PLEKHH2: variants seen among roughly 807,000 people sequenced by gnomAD.
PLEKHH2 encodes the protein pleckstrin homology, MyTH4 and FERM domain containing H2.
A neutral mutation model predicts 187.9 loss-of-function variants in PLEKHH2; 129 were observed. The ratio of observed to expected loss-of-function variants is 0.69; its 90% CI spans 0.59 to 0.79. The LOEUF (loss-of-function observed/expected upper bound fraction) is 0.79, where lower values mean the gene tolerates loss of function less well. PLEKHH2 is among the 30% of genes least tolerant of loss of function. PLEKHH2 has a pLI of 0.00. For synonymous variants in PLEKHH2, 686 were observed against 605.6 expected (o/e 1.13, Z -1.95); for missense variants, 2,076 against 1,751.2 (o/e 1.19, Z -3.31).
chr2:43,739,763 A>C (rs1231917077), intron 20 of PLEKHH2, among the ~76,000 whole-genome samples: 2 of 152,068 alleles, frequency 1.3e-5, no homozygotes, highest in Middle Eastern at 3.2e-3. Flanking sequence ...CCATCCTTCA[A>C]ACACACTCCA....
intron 23 of PLEKHH2, 22 bp from the exon 24 acceptor site, chr2:43,745,844 C>T: frequency 6.4e-7 from 1 of 1,551,626 alleles, no homozygotes; most frequent in Non-Finnish European, 8.9e-7. Context: ...CTGTAAATCT[C>T]AGTTTTCCAC....
At chr2:43,637,537 C>G (rs369461349) in intron 1 of PLEKHH2, among the ~76,000 whole-genome samples, 158 bp downstream of exon 1, 4 of 152,320 alleles carry the variant, frequency 2.6e-5, no homozygotes, top group Admixed American at 2.6e-4. Context: ...AGCGGGCTGA[C>G]TCGGGATCCG....
chr2:43,640,253 G>C (rs568849091), intron 1 of PLEKHH2, among the ~76,000 whole-genome samples: 1 of 151,390 alleles, frequency 6.6e-6, no homozygotes, highest in East Asian at 1.9e-4. Flanking sequence ...TTGTCACCCA[G>C]GCTGGAGTGC....
Position 43,738,361 on chromosome 2 carries a change from T to C in PLEKHH2, c.2964T>C (p.Asn988=). 1 of 1,610,318 alleles carries C rather than the reference T, an allele frequency of 6.2e-7. No homozygotes were observed. The highest frequency in any genetic ancestry group is 8.5e-7 in the Non-Finnish European group (1 of 1,177,402). ...KLFKTCQLFI[N]AAVDSPAIDY... is the part of the protein sequence containing the mutation. ...TTCAGACCTGCCAGCTTTTTATAAA[T>C]GCTGCAGTTGACTCTCCTGCAATTG... The change falls in exon 20 of 30, where the codon AAT becomes AAC. Residue 988 remains asparagine (N), a synonymous_variant. Coordinates refer to ENST00000282406, the MANE Select transcript of PLEKHH2 (RefSeq NM_172069.4).
chr2:43,693,286 C>A (rs1410856877), intron 4 of PLEKHH2, among the ~76,000 whole-genome samples: 1 of 152,016 alleles, frequency 6.6e-6, no homozygotes, highest in Admixed American at 6.6e-5. Context: ...CAGGTATGCC[C>A]CTAAATTGTT....
intron 20 of PLEKHH2, among the ~76,000 whole-genome samples, chr2:43,739,661 A>G (rs938302155): frequency 9.2e-5 from 14 of 152,362 alleles, no homozygotes; most frequent in African/African-American, 3.4e-4. Context: ...CTTAAGCTTC[A>G]TCTGCATCAA....
At chr2:43,698,079 CCT>C (rs1200972067) in intron 7 of PLEKHH2, among the ~76,000 whole-genome samples, 1 of 152,146 alleles carries the variant, frequency 6.6e-6, no homozygotes, top group African/African-American at 2.4e-5. Context: ...GAGTTTTCAT[CCT>C]CTCTACTTTC....
At position 43,679,824 on chromosome 2, in the gene PLEKHH2, A is replaced by G. The variant is rs148059020; in HGVS notation, c.186+899A>G. 2.2e-3 allele frequency among the ~76,000 whole-genome samples: 337 copies of G among 152,172 alleles called. 3 individuals carry two copies. The highest frequency in any genetic ancestry group is 7.9e-3 in the African/African-American group (327 of 41,524). ...TTCATACTTTGAGTTTTTTAATATA[A>G]CTTTTATTTATTAAAATTTTTAAAT... On this transcript the variant is annotated intron_variant, in intron 3 of 29. Transcript: ENST00000282406.
At chr2:43,651,060 A>G (rs1195991390) in intron 2 of PLEKHH2, among the ~76,000 whole-genome samples, 3 of 152,200 alleles carry the variant, frequency 2.0e-5, no homozygotes, top group Admixed American at 1.3e-4. Flanking sequence ...CAGAATTTAT[A>G]ATTTGTAATA....
chr2:43,720,576 A>T, intron 15 of PLEKHH2, 93 bp from the exon 16 acceptor site: 3 of 1,553,570 alleles, frequency 1.9e-6, no homozygotes, highest in Non-Finnish European at 2.6e-6. Flanking sequence ...GGCAAACTGG[A>T]TGCCTATAGA....
At chr2:43,763,213 C>T (rs1385728719) in intron 28 of PLEKHH2, among the ~76,000 whole-genome samples, 1 of 151,952 alleles carries the variant, frequency 6.6e-6, no homozygotes, top group Non-Finnish European at 1.5e-5. Flanking sequence ...AACCAAAAAA[C>T]CTATACACCA....
intron 15 of PLEKHH2, among the ~76,000 whole-genome samples, chr2:43,720,226 G>A (rs1670416473): frequency 6.6e-6 from 1 of 151,842 alleles, no homozygotes; most frequent in Non-Finnish European, 1.5e-5. Flanking sequence ...GTTGTATGTT[G>A]AATGGTGAGC....
chr2:43,669,630 G>C (rs1667401064), intron 2 of PLEKHH2, among the ~76,000 whole-genome samples: 1 of 151,908 alleles, frequency 6.6e-6, no homozygotes, highest in African/African-American at 2.4e-5. Context: ...TATAAACTAA[G>C]ACTAAAGCAG....
chr2:43,714,300 A>C (rs1427512216), intron 15 of PLEKHH2, among the ~76,000 whole-genome samples: 1 of 152,178 alleles, frequency 6.6e-6, no homozygotes, highest in Non-Finnish European at 1.5e-5. Flanking sequence ...CCCATTTCAC[A>C]ATTGCATTTT....
chr2:43,717,439 A>C (rs1032488957), intron 15 of PLEKHH2, among the ~76,000 whole-genome samples: 25 of 151,976 alleles, frequency 1.6e-4, no homozygotes, highest in African/African-American at 4.4e-4. Flanking sequence ...CAAACAAACA[A>C]ACAAACAAAC....
At chr2:43,705,107 CTG>C (rs1669591500) in intron 9 of PLEKHH2, among the ~76,000 whole-genome samples, 1 of 152,060 alleles carries the variant, frequency 6.6e-6, no homozygotes, top group Non-Finnish European at 1.5e-5. Context: ...ACAACAAGAA[CTG>C]TCTGGAATAA....
Position 43,764,389 on chromosome 2 carries a change from CT to C in PLEKHH2, c.4296+30del, listed in dbSNP as rs758530324. 3.7e-6 allele frequency: 6 copies of C among 1,606,968 alleles called. No homozygotes were observed. The African/African-American group carries it at 6.7e-5, about 18-fold the overall frequency. ...AGGTGAGTAGAAGCCTTTCTGCCAA[CT>C]TTTTTGTCCTAGTTGTTTTCACTTA... is the stretch of plus-strand genomic sequence containing the variant. On this transcript the variant is annotated intron_variant, in intron 29 of 29. Coordinates refer to ENST00000282406, the MANE Select transcript of PLEKHH2 (RefSeq NM_172069.4).
At chr2:43,709,884 A>G in intron 11 of PLEKHH2, 106 bp from the exon 12 acceptor site, 2 of 1,124,966 alleles carry the variant, frequency 1.8e-6, no homozygotes, top group South Asian at 3.7e-5. Flanking sequence ...TAGTCTAGGG[A>G]GGCTTATGAT....
intron 24 of PLEKHH2, among the ~76,000 whole-genome samples, chr2:43,746,663 A>G (rs112700815): frequency 2.5e-4 from 38 of 152,334 alleles, no homozygotes; most frequent in Middle Eastern, 3.4e-3. Context: ...TACATTTTTC[A>G]TAAAGACTGA....
Sources: gnomAD v4.1 joint callset for allele counts (sites outside exome capture counted in the v4.1 genomes callset) on GRCh38, gnomAD v4.1.1 for gene constraint, MANE v1.5 for transcripts, NCBI Gene and HGNC (gene_info 2026-07-23, HGNC 2026-07-21) for gene names.